RBM47: variants seen among roughly 807,000 people sequenced by gnomAD.
RBM47 encodes the protein RNA-binding protein 47.
RBM47 carries 21 observed loss-of-function variants against 47.1 expected under a neutral mutation model. The observed-to-expected ratio is 0.45, with a 90% CI of 0.32 to 0.64. The LOEUF is 0.64. RBM47 is among the 30% of genes least tolerant of loss of function. The probability of loss-of-function intolerance (pLI) is 0.05; values close to 1 mark genes in which losing one functional copy is unlikely to be tolerated. For synonymous variants in RBM47, 375 were observed against 361.7 expected (o/e 1.04, Z -0.42); for missense variants, 708 against 870.9 (o/e 0.81, Z 2.35).
chr4:40,502,629 G>T (rs1445620163), intron 2 of RBM47, among the ~76,000 whole-genome samples: 2 of 152,202 alleles, frequency 1.3e-5, no homozygotes, highest in African/African-American at 4.8e-5. Flanking sequence ...AAGATTGCTT[G>T]AGCCCAGGAG....
intron 2 of RBM47, among the ~76,000 whole-genome samples, chr4:40,540,602 G>A (rs948892082): frequency 8.9e-5 from 13 of 146,398 alleles, no homozygotes; most frequent in African/African-American, 3.3e-4. Context: ...TCACGCCATT[G>A]ACTCCAGCCT....
chr4:40,499,292 T>C (rs1723042143), intron 2 of RBM47, among the ~76,000 whole-genome samples: 1 of 152,216 alleles, frequency 6.6e-6, no homozygotes, highest in African/African-American at 2.4e-5. Context: ...TGAAATAACA[T>C]TCTGTGATTG....
intron 1 of RBM47, among the ~76,000 whole-genome samples, chr4:40,587,166 G>T (rs1024297888): frequency 1.3e-5 from 2 of 152,166 alleles, no homozygotes; most frequent in African/African-American, 2.4e-5. Flanking sequence ...GGCTGAGGAG[G>T]AGGAGGAAGA....
chr4:40,504,378 C>A (rs535426496), intron 2 of RBM47, among the ~76,000 whole-genome samples: 25 of 151,596 alleles, frequency 1.6e-4, no homozygotes, highest in African/African-American at 6.1e-4. Context: ...GAAACCTCCA[C>A]CTCCCAGGTT....
At chr4:40,535,375 T>TTTTTTTTTTTTTCTTTTTTTTC (rs1560452332) in intron 2 of RBM47, among the ~76,000 whole-genome samples, 23 of 134,270 alleles carry the variant, frequency 1.7e-4, no homozygotes, top group African/African-American at 6.9e-4. Context: ...GTATTTCTTT[T>TTTTTTTTTTTTTCTTTTTTTTC]TTTTTTTTTT....
Position 40,434,002 on chromosome 4 carries a change from G to GGGGTGT in RBM47, c.1331-1141_1331-1140insACACCC, listed in dbSNP as rs1213913858. ...TGTGAGTGTGTGTGTGTGGGGCGGG[G>GGGGTGT]GTGTGTGTGTGTGTGTGTGTGTGTG... is the stretch of plus-strand genomic sequence containing the variant. On this transcript the variant is annotated intron_variant, in intron 5 of 6. Coordinates refer to ENST00000295971, the MANE Select transcript of RBM47 (RefSeq NM_001098634.2). 6.6e-5 allele frequency among the ~76,000 whole-genome samples: 3 copies of GGGGTGT among 45,632 alleles called. 1 individual carries two copies. Among genetic ancestry groups the GGGGTGT allele is most frequent in the South Asian group, 2.0e-3 (2 of 988 alleles). The allele number at this position is 45,632 out of a possible 152,430, so 29.9% of individuals were successfully genotyped here. A position where few individuals can be genotyped will look rare whatever the true frequency, so the allele number is the denominator to read the frequency against.
At chr4:40,519,949 T>G (rs773948804) in intron 2 of RBM47, among the ~76,000 whole-genome samples, 4 of 152,048 alleles carry the variant, frequency 2.6e-5, no homozygotes, top group African/African-American at 4.8e-5. Context: ...ATTACAGGCA[T>G]AAGCCACCGT....
intron 1 of RBM47, among the ~76,000 whole-genome samples, chr4:40,575,168 GA>G (rs1732167489): frequency 6.6e-6 from 1 of 152,290 alleles, no homozygotes; most frequent in African/African-American, 2.4e-5. Flanking sequence ...CCAAGATTGA[GA>G]AACCCTACAT....
intron 1 of RBM47, among the ~76,000 whole-genome samples, chr4:40,606,937 T>C (rs1423509301): frequency 1.3e-5 from 2 of 152,018 alleles, no homozygotes; most frequent in East Asian, 3.9e-4. Flanking sequence ...GAACTATTAT[T>C]GTGTCACTCT....
intron 3 of RBM47, among the ~76,000 whole-genome samples, chr4:40,462,587 GCCATCAGTTCC>G (rs1342001175): frequency 6.6e-6 from 1 of 151,926 alleles, no homozygotes; most frequent in African/African-American, 2.4e-5. Context: ...AGTTACATGA[GCCATCAGTTCC>G]CCAAACGCTT....
chr4:40,628,057 G>A lies in RBM47; in HGVS notation c.-240+1339C>T, dbSNP rs1465114478. ...ACCTAGCCAGGTAAAGGACGGCACAGCTAGGCTTATTTCTTCATTTGACAC... is the reference window on the plus strand; with the variant it reads ...ACCTAGCCAGGTAAAGGACGGCACAACTAGGCTTATTTCTTCATTTGACAC... On this transcript the variant is annotated intron_variant, in intron 1 of 6. Coordinates refer to ENST00000295971, the MANE Select transcript of RBM47 (RefSeq NM_001098634.2). The surrounding 1 kb of genome is among the most constrained non-coding windows in gnomAD (Gnocchi z 4.0). 1.3e-5 allele frequency among the ~76,000 whole-genome samples: 2 copies of A among 152,188 alleles called. No homozygotes were observed. Among genetic ancestry groups the A allele is most frequent in the African/African-American group, 4.8e-5 (2 of 41,442 alleles).
intron 2 of RBM47, among the ~76,000 whole-genome samples, chr4:40,501,671 C>T (rs1723385734): frequency 6.6e-6 from 1 of 152,228 alleles, no homozygotes; most frequent in Admixed American, 6.5e-5. Context: ...AGGGTAGCTC[C>T]TGGACAGAAG....
Position 40,566,672 on chromosome 4 carries a change from C to T in RBM47, c.-239-22166G>A, listed in dbSNP as rs1305680453. Among the ~76,000 whole-genome samples, 4 of 151,930 alleles carry T rather than the reference C, an allele frequency of 2.6e-5. No homozygotes were observed. The East Asian group carries it at 7.7e-4, about 29-fold the overall frequency. ...AAACAAAACAAAAAGAGTTAGATATCTTAGTTTGAATCCTAGCTCTGTCAC... is the reference window on the plus strand; with the variant it reads ...AAACAAAACAAAAAGAGTTAGATATTTTAGTTTGAATCCTAGCTCTGTCAC... On this transcript the variant is annotated intron_variant, in intron 1 of 6. Transcript: ENST00000295971.
At chr4:40,610,625 A>G (rs1420644811) in intron 1 of RBM47, among the ~76,000 whole-genome samples, 1 of 151,530 alleles carries the variant, frequency 6.6e-6, no homozygotes, top group Admixed American at 6.6e-5. Flanking sequence ...AAAAAAAAAA[A>G]AAAAAAGAAC....
intron 5 of RBM47, among the ~76,000 whole-genome samples, chr4:40,433,998 C>CGGGGGGGG (rs138012744): frequency 4.8e-5 from 2 of 42,070 alleles, no homozygotes; most frequent in Admixed American, 2.8e-4. Flanking sequence ...GTGTGTGGGG[C>CGGGGGGGG]GGGGGTGTGT....
At chr4:40,451,131 G>A (rs543493023) in intron 3 of RBM47, among the ~76,000 whole-genome samples, 29 of 147,850 alleles carry the variant, frequency 2.0e-4, no homozygotes, top group African/African-American at 7.0e-4. Flanking sequence ...AGGATCGCTG[G>A]AGCCCAGGAG....
At chr4:40,517,762 C>T (rs1236105433) in intron 2 of RBM47, among the ~76,000 whole-genome samples, 1 of 152,166 alleles carries the variant, frequency 6.6e-6, no homozygotes, top group East Asian at 1.9e-4. Context: ...CTGTACTAAA[C>T]ACATAGACTT....
At chr4:40,435,939 A>C (rs1045258713) in intron 5 of RBM47, among the ~76,000 whole-genome samples, 2 of 150,648 alleles carry the variant, frequency 1.3e-5, no homozygotes, top group South Asian at 4.2e-4. Context: ...CGGGTGGATC[A>C]TAAGGTCAGG....
intron 3 of RBM47, among the ~76,000 whole-genome samples, chr4:40,456,537 TC>T (rs1278984618): frequency 6.7e-6 from 1 of 149,990 alleles, no homozygotes; most frequent in Non-Finnish European, 1.5e-5. Flanking sequence ...AAAGTATTAG[TC>T]CCATTTTCTT....
Sources: allele counts gnomAD v4.1 joint callset (sites outside exome capture counted in the v4.1 genomes callset), GRCh38; gene constraint gnomAD v4.1.1; non-coding constraint Gnocchi (gnomAD v3.1); transcripts MANE v1.5; gene names NCBI Gene and HGNC (gene_info 2026-07-23, HGNC 2026-07-21).